Variants in UBE2E2 observed in about 807,000 individuals in gnomAD.
The protein encoded by UBE2E2 is ubiquitin-conjugating enzyme E2 E2.
Under a neutral mutation model 24.7 loss-of-function variants are expected in UBE2E2, and 6 were observed. The ratio of observed to expected loss-of-function variants is 0.24; its 90% CI spans 0.13 to 0.48. The LOEUF (loss-of-function observed/expected upper bound fraction) is 0.48, where lower values mean the gene tolerates loss of function less well. Among genes scored for constraint, UBE2E2 ranks in the 20% least tolerant of loss-of-function variants. The pLI is 0.99. For synonymous variants in UBE2E2, 104 were observed against 83.6 expected, an observed-to-expected ratio of 1.24 and a Z score of -1.33; for missense variants, 169 against 245.0, an observed-to-expected ratio of 0.69 and a Z score of 2.07.
intron 4 of UBE2E2, among the ~76,000 whole-genome samples, chr3:23,505,724 G>A (rs1000126510): frequency 3.9e-5 from 6 of 152,162 alleles, no homozygotes; most frequent in Non-Finnish European, 5.9e-5. Flanking sequence ...CAGTTTATGG[G>A]TTTGTTTGTT....
intron 3 of UBE2E2, among the ~76,000 whole-genome samples, chr3:23,412,363 A>G (rs34972244): frequency 0.11 from 16,307 of 151,942 alleles, 988 homozygotes; most frequent in East Asian, 0.13. Context: ...GTAAAGTTAA[A>G]TTTCGTAGTA....
At chr3:23,524,215 A>G (rs892086630) in intron 4 of UBE2E2, among the ~76,000 whole-genome samples, 1 of 152,180 alleles carries the variant, frequency 6.6e-6, no homozygotes, top group Non-Finnish European at 1.5e-5. Flanking sequence ...TGTCAGAAAT[A>G]CTGTATTAAA....
intron 1 of UBE2E2, among the ~76,000 whole-genome samples, chr3:23,208,136 A>G (rs2125315561): frequency 6.6e-6 from 1 of 152,122 alleles, no homozygotes. Flanking sequence ...GAGTCCCACT[A>G]CGTTGCCCAG....
intron 3 of UBE2E2, among the ~76,000 whole-genome samples, chr3:23,458,074 T>G (rs780450226): frequency 1.3e-5 from 2 of 152,130 alleles, no homozygotes; most frequent in Non-Finnish European, 1.5e-5. Flanking sequence ...GCACAAGAGG[T>G]CTAGTTTTCT....
intron 4 of UBE2E2, among the ~76,000 whole-genome samples, chr3:23,501,396 C>T (rs916086022): frequency 2.0e-5 from 3 of 152,196 alleles, no homozygotes; most frequent in African/African-American, 7.2e-5. Context: ...GCTCTGCCAA[C>T]TCATTTCTTC....
intron 4 of UBE2E2, among the ~76,000 whole-genome samples, chr3:23,507,546 C>T (rs1221526962): frequency 6.6e-6 from 1 of 152,216 alleles, no homozygotes; most frequent in Non-Finnish European, 1.5e-5. Context: ...ATTACCCCCA[C>T]TTCATGGATC....
At chr3:23,203,129 C>A (rs867749217), upstream of UBE2E2, 1 of 984,316 alleles carries the variant, frequency 1.0e-6, no homozygotes, top group Non-Finnish European at 1.2e-6. Context: ...CGCGGACGGC[C>A]GGGCGGCGGC....
chr3:23,508,627 C>G (rs1185152788), intron 4 of UBE2E2, among the ~76,000 whole-genome samples: 3 of 152,170 alleles, frequency 2.0e-5, no homozygotes, highest in Admixed American at 6.5e-5. Context: ...ACTCTGATAT[C>G]TACTGACACA....
intron 3 of UBE2E2, among the ~76,000 whole-genome samples, chr3:23,464,618 T>A (rs1402298860): frequency 6.6e-6 from 1 of 152,166 alleles, no homozygotes; most frequent in Non-Finnish European, 1.5e-5. Context: ...TGACCTTAAA[T>A]CAAAATTTAA....
intron 3 of UBE2E2, among the ~76,000 whole-genome samples, chr3:23,263,163 A>G (rs1319402286): frequency 2.0e-5 from 3 of 152,194 alleles, no homozygotes; most frequent in Non-Finnish European, 4.4e-5. Context: ...TACTTAACAC[A>G]CTGACTACTT....
intron 5 of UBE2E2, among the ~76,000 whole-genome samples, chr3:23,588,661 TTAAC>T: frequency 6.6e-6 from 1 of 152,216 alleles, no homozygotes; most frequent in South Asian, 2.1e-4. Context: ...AAGCACCCTG[TTAAC>T]TAACAGCACC....
intron 4 of UBE2E2, among the ~76,000 whole-genome samples, chr3:23,529,938 C>A (rs1014904697): frequency 1.3e-5 from 2 of 152,136 alleles, no homozygotes; most frequent in Non-Finnish European, 2.9e-5. Flanking sequence ...CTGTAGATTT[C>A]TCTTTTACAA....
At chr3:23,295,620 C>T (rs772997820) in intron 3 of UBE2E2, among the ~76,000 whole-genome samples, 5 of 152,104 alleles carry the variant, frequency 3.3e-5, no homozygotes, top group East Asian at 1.9e-4. Context: ...TCTCAGATTT[C>T]GAATATCGGT....
intron 4 of UBE2E2, among the ~76,000 whole-genome samples, chr3:23,513,239 A>G (rs760399112): frequency 3.9e-5 from 6 of 152,192 alleles, no homozygotes; most frequent in Non-Finnish European, 5.9e-5. Flanking sequence ...TTAGTTTTAA[A>G]TAGGTAATAT....
At chr3:23,268,741 C>T (rs1240376727) in intron 3 of UBE2E2, among the ~76,000 whole-genome samples, 2 of 148,822 alleles carry the variant, frequency 1.3e-5, no homozygotes, top group Admixed American at 1.3e-4. Flanking sequence ...GCCCGCATTG[C>T]CAAGTCAATC....
intron 3 of UBE2E2, among the ~76,000 whole-genome samples, chr3:23,226,405 T>C (rs1696827260): frequency 1.3e-5 from 2 of 152,220 alleles, no homozygotes; most frequent in South Asian, 4.1e-4. Flanking sequence ...TTTTAACTTT[T>C]GAAGGATTTC....
chr3:23,414,861 A>G (rs1426107304), intron 3 of UBE2E2, among the ~76,000 whole-genome samples: 1 of 152,208 alleles, frequency 6.6e-6, no homozygotes, highest in Non-Finnish European at 1.5e-5. Flanking sequence ...CACCACATAC[A>G]GAATCTGCTC....
At chr3:23,411,680 T>C (rs78833512) in intron 3 of UBE2E2, among the ~76,000 whole-genome samples, 1,907 of 152,290 alleles carry the variant, frequency 0.013, 33 homozygotes, top group African/African-American at 0.043. Flanking sequence ...AATGCCCTAG[T>C]TGTCTACTGG....
At chr3:23,275,240 G>T (rs917061697) in intron 3 of UBE2E2, among the ~76,000 whole-genome samples, 1 of 152,196 alleles carries the variant, frequency 6.6e-6, no homozygotes, top group Non-Finnish European at 1.5e-5. Flanking sequence ...GAGAAGCGGT[G>T]CTAAGAGAGA....
Sources: gnomAD v4.1 joint callset for allele counts (sites outside exome capture counted in the v4.1 genomes callset) on GRCh38, gnomAD v4.1.1 for gene constraint, MANE v1.5 for transcripts, NCBI Gene and HGNC (gene_info 2026-07-23, HGNC 2026-07-21) for gene names.